ADAMTS6: variants seen among roughly 807,000 people sequenced by gnomAD.
The protein encoded by ADAMTS6 is A disintegrin and metalloproteinase with thrombospondin motifs 6.
A neutral mutation model predicts 144.3 loss-of-function variants in ADAMTS6; 23 were observed. That is an observed-to-expected ratio of 0.16 (90% CI 0.11 to 0.23). ADAMTS6 has a LOEUF of 0.23. ADAMTS6 is among the 10% of genes least tolerant of loss of function. ADAMTS6 has a pLI of 1.00. For missense variants in ADAMTS6, 999 were observed against 1,379.6 expected, an observed-to-expected ratio of 0.72 and a Z score of 4.37; for synonymous variants, 444 against 457.5, an observed-to-expected ratio of 0.97 and a Z score of 0.38.
chr5:65,276,072 C>T (rs1364974570), intron 11 of ADAMTS6, among the ~76,000 whole-genome samples: 1 of 152,260 alleles, frequency 6.6e-6, no homozygotes, highest in Non-Finnish European at 1.5e-5. Flanking sequence ...GGAAAACACA[C>T]TATTTAGTCA....
intron 10 of ADAMTS6, among the ~76,000 whole-genome samples, chr5:65,294,114 C>T (rs544809596): frequency 1.5e-4 from 23 of 152,284 alleles, no homozygotes; most frequent in South Asian, 1.4e-3. Flanking sequence ...CATTTCTACA[C>T]GTTTACTACA....
chr5:65,197,131 C>T lies in ADAMTS6; in HGVS notation c.2596G>A (p.Val866Ile), dbSNP rs1755440128. ...GAGTTGTCATCCAACCTTTTACAGA[C>T]CACCTCCTGTCTTTGGACACCTTGA... is the stretch of plus-strand genomic sequence containing the variant. ...CAGGVQRQEV[V>I]CKRLDDNSIV... is the part of the protein sequence containing the mutation. The change falls in exon 21 of 25, where the codon GTC becomes ATC. Residue 866 changes from valine to isoleucine, a missense_variant. Val to Ile is a conservative substitution (Grantham distance 29). Transcript: ENST00000381055. 6.2e-7 allele frequency: 1 copy of T among 1,613,602 alleles called. No homozygotes were observed. The highest frequency in any genetic ancestry group is 8.5e-7 in the Non-Finnish European group (1 of 1,179,794).
At chr5:65,240,148 C>G (rs1759046168) in intron 15 of ADAMTS6, among the ~76,000 whole-genome samples, 1 of 152,080 alleles carries the variant, frequency 6.6e-6, no homozygotes, top group African/African-American at 2.4e-5. Context: ...TGATGGAATA[C>G]TGCTCAGCAA....
At chr5:65,270,284 T>C (rs1454657722) in intron 12 of ADAMTS6, among the ~76,000 whole-genome samples, 1 of 152,186 alleles carries the variant, frequency 6.6e-6, no homozygotes, top group Non-Finnish European at 1.5e-5. Flanking sequence ...CTGGTTTACT[T>C]TCCAAATATT....
Position 65,364,852 on chromosome 5 carries a change from C to A in ADAMTS6, c.1074-30767G>T, listed in dbSNP as rs1011886972. Among the ~76,000 whole-genome samples the A allele has an allele frequency of 3.9e-5, 6 of 152,136 alleles. 1 individual carries two copies. Among genetic ancestry groups the A allele is most frequent in the Admixed American group, 3.9e-4 (6 of 15,276 alleles). On this transcript the variant is annotated intron_variant, in intron 7 of 24. Transcript: ENST00000381055. ...AAGTGCTGGGATTACAGGCTTGAGT[C>A]ACTGCGCCTGGCCTGCCTGATTGAA...
intron 11 of ADAMTS6, among the ~76,000 whole-genome samples, chr5:65,290,923 T>C (rs1019661001): frequency 1.3e-5 from 2 of 152,178 alleles, no homozygotes; most frequent in Non-Finnish European, 1.5e-5. Flanking sequence ...CTTAGCACTA[T>C]CAAGTAGGAA....
rs541543751 is a variant in ADAMTS6, at chr5:65,377,287, T to C, written c.1074-43202A>G. ...CTTTGCCCATGTGCTCTATGACCCA[T>C]ACTGCCTTGCTTACTTTGTGATCCC... On this transcript the variant is annotated intron_variant, in intron 7 of 24. Transcript: ENST00000381055. 4.9e-4 allele frequency among the ~76,000 whole-genome samples: 75 copies of C among 152,292 alleles called. 1 individual carries two copies. Among genetic ancestry groups the C allele is most frequent in the East Asian group, 7.7e-4 (4 of 5,180 alleles).
chr5:65,404,519 C>T (rs1253221035), intron 7 of ADAMTS6, among the ~76,000 whole-genome samples: 1 of 152,128 alleles, frequency 6.6e-6, no homozygotes, highest in Non-Finnish European at 1.5e-5. Flanking sequence ...TGTGTATGTG[C>T]CACATTTTCT....
chr5:65,164,395 C>T (rs976118710), intron 24 of ADAMTS6, among the ~76,000 whole-genome samples: 7 of 151,464 alleles, frequency 4.6e-5, no homozygotes, highest in African/African-American at 9.7e-5. Flanking sequence ...CACGGAGTCT[C>T]GCTGATTGCT....
chr5:65,190,910 C>T (rs1407836644), intron 21 of ADAMTS6, among the ~76,000 whole-genome samples: 1 of 152,058 alleles, frequency 6.6e-6, no homozygotes, highest in Non-Finnish European at 1.5e-5. Flanking sequence ...TCTACCACTG[C>T]ATCTGCTTGT....
chr5:65,399,381 TAC>T (rs1158652193), intron 7 of ADAMTS6, among the ~76,000 whole-genome samples: 1 of 152,264 alleles, frequency 6.6e-6, no homozygotes, highest in Non-Finnish European at 1.5e-5. Context: ...TATTTATTAA[TAC>T]AGTTGGATTA....
At chr5:65,179,129 T>C (rs1754171036) in intron 22 of ADAMTS6, among the ~76,000 whole-genome samples, 1 of 152,232 alleles carries the variant, frequency 6.6e-6, no homozygotes, top group Non-Finnish European at 1.5e-5. Flanking sequence ...CTCATTTTCC[T>C]TAAAATTTGG....
chr5:65,239,809 A>G (rs1759011513), intron 15 of ADAMTS6, among the ~76,000 whole-genome samples: 1 of 152,238 alleles, frequency 6.6e-6, no homozygotes, highest in African/African-American at 2.4e-5. Context: ...TTTCACTGAA[A>G]TACCACTCTA....
chr5:65,156,043 C>T (rs1752395145), intron 24 of ADAMTS6, among the ~76,000 whole-genome samples: 2 of 151,998 alleles, frequency 1.3e-5, no homozygotes, highest in Admixed American at 1.3e-4. Context: ...TTTAAAGCCC[C>T]ATTATTACAG....
chr5:65,342,348 G>A (rs2150076740), intron 7 of ADAMTS6, among the ~76,000 whole-genome samples: 1 of 152,210 alleles, frequency 6.6e-6, no homozygotes, highest in Middle Eastern at 3.4e-3. Context: ...AGAGAAGAAG[G>A]CTTGTGTAGG....
intron 7 of ADAMTS6, among the ~76,000 whole-genome samples, chr5:65,393,630 C>T (rs1322792398): frequency 6.6e-6 from 1 of 152,152 alleles, no homozygotes; most frequent in African/African-American, 2.4e-5. Context: ...TGTCAGAGTA[C>T]AAATGATTCT....
At position 65,260,666 on chromosome 5, in the gene ADAMTS6, G is replaced by GA. The variant is rs769344517; in HGVS notation, c.1767-4dup. On this transcript the variant is annotated splice_region_variant and splice_polypyrimidine_tract_variant and intron_variant, in intron 13 of 24. Coordinates refer to ENST00000381055, the MANE Select transcript of ADAMTS6 (RefSeq NM_197941.4). The stretch of plus-strand genomic sequence containing the variant: ...AATATTTTCCACCTCCTGAAGGTCT[G>GA]AAAAAACATTGTGTTTAAAATGTGA... 3 of 1,612,012 alleles carry GA rather than the reference G, an allele frequency of 1.9e-6. No homozygotes were observed.
intron 7 of ADAMTS6, among the ~76,000 whole-genome samples, chr5:65,357,461 A>G (rs1385453524): frequency 6.6e-6 from 1 of 151,692 alleles, no homozygotes; most frequent in Non-Finnish European, 1.5e-5. Flanking sequence ...ACTAGAAAAA[A>G]AAGAACATAT....
At chr5:65,366,846 T>C (rs1162062986) in intron 7 of ADAMTS6, among the ~76,000 whole-genome samples, 1 of 152,156 alleles carries the variant, frequency 6.6e-6, no homozygotes, top group East Asian at 1.9e-4. Context: ...ATAAATACTG[T>C]TGCTTCTGGA....
Sources: allele counts gnomAD v4.1 joint callset (sites outside exome capture counted in the v4.1 genomes callset), GRCh38; gene constraint gnomAD v4.1.1; transcripts MANE v1.5; gene names NCBI Gene and HGNC (gene_info 2026-07-23, HGNC 2026-07-21).